The following DRC2 variants were observed in gnomAD, a reference collection of about 807,000 sequenced individuals.
DRC2 encodes the protein dynein regulatory complex subunit 2.
the DRC2 span, chr12:48,921,126 T>G: frequency 6.2e-7 from 1 of 1,610,378 alleles, no homozygotes; most frequent in Non-Finnish European, 8.5e-7. Context: ...CATTTGCTAA[T>G]GGGTCTCGCT....
chr12:48,915,254 T>G, the DRC2 span, among the ~76,000 whole-genome samples: 1 of 150,802 alleles, frequency 6.6e-6, no homozygotes, highest in East Asian at 1.9e-4. Context: ...CAGAGGACCC[T>G]GCGGCCTTCC....
At chr12:48,905,797 G>C in the DRC2 span, among the ~76,000 whole-genome samples, 9 of 152,052 alleles carry the variant, frequency 5.9e-5, no homozygotes, top group East Asian at 1.7e-3. Context: ...ATTTGACATG[G>C]AGTCTTGCTC....
At chr12:48,920,912 T>C in the DRC2 span, 1 of 1,600,462 alleles carries the variant, frequency 6.2e-7, no homozygotes. Context: ...ATATAAACTC[T>C]CTTCCCGCTT....
the DRC2 span, chr12:48,921,412 A>G: frequency 6.2e-7 from 1 of 1,611,856 alleles, no homozygotes; most frequent in East Asian, 2.2e-5. Context: ...CGTATAGCCC[A>G]TCCAGGTGAT....
At chr12:48,920,711 G>A in the DRC2 span, among the ~76,000 whole-genome samples, 1 of 151,510 alleles carries the variant, frequency 6.6e-6, no homozygotes, top group Non-Finnish European at 1.5e-5. Flanking sequence ...TGTAGAGATG[G>A]GGTCTTTCTA....
chr12:48,916,103 C>T, the DRC2 span, among the ~76,000 whole-genome samples: 1 of 148,708 alleles, frequency 6.7e-6, no homozygotes, highest in South Asian at 2.1e-4. Context: ...AGAGACGCTC[C>T]TCACTTTCCA....
At chr12:48,916,793 A>G in the DRC2 span, among the ~76,000 whole-genome samples, 6 of 152,212 alleles carry the variant, frequency 3.9e-5, no homozygotes, top group Non-Finnish European at 5.9e-5. Context: ...AAATCAAAAT[A>G]AAATAACCTT....
the DRC2 span, among the ~76,000 whole-genome samples, chr12:48,912,437 C>CAA: frequency 0.022 from 978 of 45,344 alleles, 110 homozygotes; most frequent in Middle Eastern, 0.089. Context: ...GACGCCGTCT[C>CAA]AAAAAAAAAA....
the DRC2 span, chr12:48,918,516 A>G: frequency 6.3e-7 from 1 of 1,588,698 alleles, no homozygotes; most frequent in Non-Finnish European, 8.6e-7. Context: ...TAACTGCTCT[A>G]TTATCCCCTC....
chr12:48,914,669 G>A, the DRC2 span: 3 of 1,139,784 alleles, frequency 2.6e-6, no homozygotes, highest in Non-Finnish European at 2.5e-6. Context: ...TAGTATCTTG[G>A]AGCATCCCAC....
the DRC2 span, chr12:48,921,145 T>G: frequency 1.2e-6 from 2 of 1,612,368 alleles, no homozygotes; most frequent in Admixed American, 3.3e-5. Context: ...CTGCACACCT[T>G]CTCCCTGTAA....
chr12:48,904,336 C>T, the DRC2 span: 4 of 1,613,124 alleles, frequency 2.5e-6, no homozygotes, highest in South Asian at 2.2e-5. Flanking sequence ...CCCCTGCCCC[C>T]ATGCCTAAGA....
the DRC2 span, chr12:48,921,394 T>C: frequency 2.5e-6 from 4 of 1,614,150 alleles, no homozygotes; most frequent in Non-Finnish European, 3.4e-6. Flanking sequence ...CTCCAGCCCT[T>C]GTCCATACGT....
the DRC2 span, chr12:48,904,198 T>C: frequency 9.6e-6 from 11 of 1,140,596 alleles, no homozygotes; most frequent in South Asian, 3.0e-5. Context: ...GTTCGAGGGC[T>C]GAGATCTCCG....
At chr12:48,918,651 A>G in the DRC2 span, 5 of 1,603,486 alleles carry the variant, frequency 3.1e-6, no homozygotes, top group South Asian at 3.3e-5. Context: ...CAGTTGGTCA[A>G]GTAGATTTCC....
the DRC2 span, chr12:48,918,473 G>A: frequency 1.2e-6 from 2 of 1,613,642 alleles, no homozygotes; most frequent in East Asian, 2.2e-5. Flanking sequence ...GAAACTACAG[G>A]TTAGTGTAGC....
chr12:48,914,149 G>A, the DRC2 span, among the ~76,000 whole-genome samples: 1 of 151,610 alleles, frequency 6.6e-6, no homozygotes, highest in Non-Finnish European at 1.5e-5. Context: ...ATGTTGCCCA[G>A]GCTAGTCTTG....
the DRC2 span, among the ~76,000 whole-genome samples, chr12:48,907,454 T>C: frequency 6.6e-6 from 1 of 152,172 alleles, no homozygotes; most frequent in African/African-American, 2.4e-5. Flanking sequence ...CACAGCAGCC[T>C]TGCAGCTTAT....
At chr12:48,916,856 C>T in the DRC2 span, 1 of 918,534 alleles carries the variant, frequency 1.1e-6, no homozygotes. Context: ...CTCTTTTCTC[C>T]ATCAGTACCT....
Sources: allele counts gnomAD v4.1 joint callset (sites outside exome capture counted in the v4.1 genomes callset), GRCh38; gene constraint gnomAD v4.1.1; transcripts MANE v1.5; gene names NCBI Gene and HGNC (gene_info 2026-07-23, HGNC 2026-07-21).